Variants in TENM3 observed in about 807,000 individuals in gnomAD.
TENM3 encodes the protein teneurin-3.
A neutral mutation model predicts 255.1 loss-of-function variants in TENM3; 63 were observed. The ratio of observed to expected loss-of-function variants is 0.25; its 90% confidence interval spans 0.20 to 0.30. TENM3 has a LOEUF of 0.30. TENM3 is among the 10% of genes least tolerant of loss of function. The pLI is 1.00. For synonymous variants in TENM3, 1,306 were observed against 1,322.3 expected (o/e 0.99, Z 0.27); for missense variants, 2,929 against 3,461.1 (o/e 0.85, Z 3.86).
chr4:182,603,138 A>C (rs1748061484), intron 4 of TENM3, among the ~76,000 whole-genome samples: 1 of 152,182 alleles, frequency 6.6e-6, no homozygotes, highest in Non-Finnish European at 1.5e-5. Flanking sequence ...GAAAGAAAGT[A>C]GTTGGTTAGA....
At chr4:181,583,558 G>A in the TENM3 span, among the ~76,000 whole-genome samples, 489 of 152,222 alleles carry the variant, frequency 3.2e-3, 3 homozygotes, top group African/African-American at 0.011. Context: ...GTTAAAAAAC[G>A]TGGGGGCGTG....
chr4:181,963,775 G>A, the TENM3 span, among the ~76,000 whole-genome samples: 1 of 152,270 alleles, frequency 6.6e-6, no homozygotes, highest in South Asian at 2.1e-4. Flanking sequence ...AACTTAATGG[G>A]TGCTTGTTAT....
At chr4:182,092,090 A>G in the TENM3 span, among the ~76,000 whole-genome samples, 1 of 152,226 alleles carries the variant, frequency 6.6e-6, no homozygotes, top group Non-Finnish European at 1.5e-5. Flanking sequence ...CTGTAATCCC[A>G]ACACTTTGGG....
chr4:181,968,413 T>A, the TENM3 span, among the ~76,000 whole-genome samples: 2 of 152,184 alleles, frequency 1.3e-5, no homozygotes, highest in Non-Finnish European at 2.9e-5. Flanking sequence ...CATCTGCCAC[T>A]GAGACATGGA....
chr4:182,647,184 AT>A (rs1752830792), intron 5 of TENM3, among the ~76,000 whole-genome samples: 1 of 152,108 alleles, frequency 6.6e-6, no homozygotes, highest in Non-Finnish European at 1.5e-5. Context: ...AACAACAACG[AT>A]TTTCTGCAGG....
At chr4:181,565,523 T>C in the TENM3 span, among the ~76,000 whole-genome samples, 4 of 152,140 alleles carry the variant, frequency 2.6e-5, no homozygotes, top group Non-Finnish European at 5.9e-5. Context: ...AGAAGTGCAA[T>C]GGCGAAGTAT....
the TENM3 span, among the ~76,000 whole-genome samples, chr4:181,581,441 A>AAAAAC: frequency 0.01 from 1,542 of 152,126 alleles, 24 homozygotes; most frequent in South Asian, 0.083. Flanking sequence ...ACTCCATCTC[A>AAAAAC]AAAACAAAAC....
At chr4:181,727,958 A>G in the TENM3 span, among the ~76,000 whole-genome samples, 23 of 152,314 alleles carry the variant, frequency 1.5e-4, no homozygotes, top group African/African-American at 5.3e-4. Context: ...ATCCTAGTAA[A>G]TAAGATAGCC....
At chr4:182,740,644 G>T (rs1761530929) in intron 18 of TENM3, among the ~76,000 whole-genome samples, 1 of 152,102 alleles carries the variant, frequency 6.6e-6, no homozygotes, top group African/African-American at 2.4e-5. Flanking sequence ...GAAAACTACA[G>T]GCATCTCTGT....
At chr4:182,179,896 C>A (rs1263243519) in intron 1 of TENM3, among the ~76,000 whole-genome samples, 1 of 152,090 alleles carries the variant, frequency 6.6e-6, no homozygotes. Flanking sequence ...AAAACCCTCA[C>A]CTTTGTCATT....
intron 24 of TENM3, among the ~76,000 whole-genome samples, chr4:182,785,915 G>A (rs1765614652): frequency 6.6e-6 from 1 of 152,124 alleles, no homozygotes. Flanking sequence ...GCATGGTAAG[G>A]GGGTGAAAAA....
At chr4:181,907,868 T>C in the TENM3 span, among the ~76,000 whole-genome samples, 1 of 152,170 alleles carries the variant, frequency 6.6e-6, no homozygotes, top group Non-Finnish European at 1.5e-5. Flanking sequence ...TTTAATGTTC[T>C]GAAATGCATA....
the TENM3 span, among the ~76,000 whole-genome samples, chr4:181,923,991 C>T: frequency 6.6e-6 from 1 of 152,176 alleles, no homozygotes; most frequent in African/African-American, 2.4e-5. Context: ...GACAGTCCCC[C>T]CTCAGTCTCT....
the TENM3 span, among the ~76,000 whole-genome samples, chr4:182,061,201 G>A: frequency 6.6e-6 from 1 of 152,114 alleles, no homozygotes; most frequent in Non-Finnish European, 1.5e-5. Flanking sequence ...CTCTTCTAGC[G>A]CTTTGCACAG....
chr4:182,680,093 A>G (rs538116514), intron 8 of TENM3, among the ~76,000 whole-genome samples, 155 bp from the exon 9 acceptor site: 1 of 152,316 alleles, frequency 6.6e-6, no homozygotes, highest in East Asian at 1.9e-4. Context: ...AGAGGAGAAT[A>G]TGTCATGAAA....
At chr4:181,620,662 T>TAA in the TENM3 span, among the ~76,000 whole-genome samples, 1,640 of 127,372 alleles carry the variant, frequency 0.013, 37 homozygotes, top group African/African-American at 0.045. Context: ...ACAGAGTCCT[T>TAA]AAAAAAAAAA....
At position 182,549,596 on chromosome 4, in the gene TENM3, C is replaced by T. The variant is rs187728548; in HGVS notation, c.512-51328C>T. On this transcript the variant is annotated intron_variant, in intron 3 of 27. Transcript: ENST00000511685. ...AGCAGTCCACCCATTGTTCGAGTCA[C>T]GCTTCCAGGGCCCAGCACTTTTCAC... is the stretch of plus-strand genomic sequence containing the variant. 2.4e-4 allele frequency among the ~76,000 whole-genome samples: 36 copies of T among 152,302 alleles called. No individual in the cohort carries two copies. In the East Asian group the frequency reaches 6.2e-3, roughly 26 times the overall value.
chr4:182,550,853 T>G (rs1157270356), intron 3 of TENM3, among the ~76,000 whole-genome samples: 2 of 152,192 alleles, frequency 1.3e-5, no homozygotes, highest in Non-Finnish European at 2.9e-5. Flanking sequence ...GATGTTATTT[T>G]CAACTTCTAC....
intron 1 of TENM3, among the ~76,000 whole-genome samples, chr4:182,176,255 G>T (rs1479785590): frequency 3.9e-5 from 6 of 152,174 alleles, no homozygotes; most frequent in Non-Finnish European, 8.8e-5. Context: ...TAGCATACTG[G>T]TTAAGAGCGT....
Sources: gnomAD v4.1 joint callset for allele counts (sites outside exome capture counted in the v4.1 genomes callset) on GRCh38, gnomAD v4.1.1 for gene constraint, MANE v1.5 for transcripts, NCBI Gene and HGNC (gene_info 2026-07-23, HGNC 2026-07-21) for gene names.